SHANK2: variants seen among roughly 807,000 people sequenced by gnomAD.
SHANK2 encodes the protein SH3 and multiple ankyrin repeat domains 2, also known as SH3 and multiple ankyrin repeat domains protein 2.
Under a neutral mutation model 133.7 loss-of-function variants are expected in SHANK2, and 43 were observed. The observed-to-expected ratio is 0.32, with a 90% confidence interval of 0.25 to 0.41. The LOEUF (loss-of-function observed/expected upper bound fraction) is 0.41, where lower values mean the gene tolerates loss of function less well. Ranked by LOEUF, SHANK2 falls within the 10% of genes least tolerant of loss-of-function variation. SHANK2 has a pLI of 1.00. For synonymous variants in SHANK2, 1,017 were observed against 952.8 expected (o/e 1.07, Z -1.24); for missense variants, 1,994 against 2,235.8 (o/e 0.89, Z 2.18).
At chr11:71,114,144 T>G (rs1951937273) in intron 4 of SHANK2, among the ~76,000 whole-genome samples, 2 of 152,152 alleles carry the variant, frequency 1.3e-5, no homozygotes, top group Non-Finnish European at 2.9e-5. Context: ...CAGAGTTAAC[T>G]CAGGGCTGGG....
chr11:71,102,430 C>G (rs1166428499), intron 6 of SHANK2, among the ~76,000 whole-genome samples: 1 of 152,172 alleles, frequency 6.6e-6, no homozygotes, highest in Admixed American at 6.5e-5. Flanking sequence ...GCTCCGGCCC[C>G]ATGTCCAGCC....
rs117406481 is a variant in SHANK2, at chr11:70,525,617, C to T, written c.2062-22686G>A. 5.2e-3 allele frequency among the ~76,000 whole-genome samples: 785 copies of T among 152,190 alleles called. 5 individuals are homozygous for T. Among genetic ancestry groups the T allele is most frequent in the Non-Finnish European group, 9.1e-3 (622 of 68,002 alleles). ...AGGGTTGGCAGCATCAGAACAGGAG[C>T]GAACAGGGTCCTGGTACTGTGCAGC... On this transcript the variant is annotated intron_variant, in intron 17 of 25. Coordinates refer to ENST00000601538, the MANE Select transcript of SHANK2 (RefSeq NM_012309.5).
At chr11:70,495,328 A>C (rs2058953671) in intron 21 of SHANK2, among the ~76,000 whole-genome samples, 1 of 152,032 alleles carries the variant, frequency 6.6e-6, no homozygotes, top group South Asian at 2.1e-4. Context: ...GCTGGGGTCG[A>C]ATTGGTTTCT....
chr11:71,087,222 G>A (rs1042968421), intron 8 of SHANK2, among the ~76,000 whole-genome samples: 105 of 152,334 alleles, frequency 6.9e-4, no homozygotes, highest in African/African-American at 2.5e-3. Context: ...GAGCTGCAGT[G>A]AGTGACTGAT....
chr11:70,518,156 C>T (rs537461127), intron 17 of SHANK2, among the ~76,000 whole-genome samples: 73 of 152,342 alleles, frequency 4.8e-4, no homozygotes, highest in African/African-American at 1.6e-3. Flanking sequence ...CTGCTGGCTC[C>T]GAGAGCACCC....
In SHANK2 at chr11:70,487,647, G is replaced by A. The variant is rs1555154639; in HGVS notation, c.2646C>T (p.Asp882=). The change falls in exon 25 of 26, where the codon GAC becomes GAT. Residue 882 remains aspartate (D), a synonymous_variant. Coordinates refer to ENST00000601538, the MANE Select transcript of SHANK2 (RefSeq NM_012309.5). This position sits in a 1 kb window ranked among gnomAD's most constrained non-coding sequence, Gnocchi z 5.8. Reference sequence around the variant, plus strand: ...GTGGAGGGGGGATGTCCTCAGAGGTGTCCGGCATGGACAGGCTTCTGGTGA... The same window carrying A: ...GTGGAGGGGGGATGTCCTCAGAGGTATCCGGCATGGACAGGCTTCTGGTGA... ...LKFTRSLSMP[D]TSEDIPPPPQ... is the part of the protein sequence containing the mutation. 2 of 1,599,484 alleles carry A rather than the reference G, an allele frequency of 1.3e-6. No homozygotes were observed. The highest frequency in any genetic ancestry group is 2.7e-5 in the African/African-American group (2 of 74,630).
At chr11:70,605,407 C>T (rs973955101) in intron 17 of SHANK2, among the ~76,000 whole-genome samples, 1 of 152,224 alleles carries the variant, frequency 6.6e-6, no homozygotes, top group East Asian at 1.9e-4. Flanking sequence ...GGGCCCTTGG[C>T]AGGAAGCCCC....
chr11:70,758,315 C>T (rs574213129), intron 14 of SHANK2, among the ~76,000 whole-genome samples: 23 of 152,266 alleles, frequency 1.5e-4, no homozygotes, highest in African/African-American at 4.8e-4. Context: ...GTGTTTGTTA[C>T]GGCTCGAGGT....
chr11:70,717,128 G>GAGAA (rs1555027506), intron 14 of SHANK2, among the ~76,000 whole-genome samples: 1 of 152,206 alleles, frequency 6.6e-6, no homozygotes, highest in African/African-American at 2.4e-5. Context: ...GCTGTCTTTG[G>GAGAA]AGAAAGGCAG....
chr11:71,171,765 C>T (rs992804701), intron 2 of SHANK2, among the ~76,000 whole-genome samples: 21 of 152,182 alleles, frequency 1.4e-4, no homozygotes, highest in East Asian at 3.9e-4. Flanking sequence ...TTAGTCCAGT[C>T]GAAAGGACAC....
At chr11:70,694,903 G>C (rs1282475758) in intron 15 of SHANK2, among the ~76,000 whole-genome samples, 1 of 152,128 alleles carries the variant, frequency 6.6e-6, no homozygotes, top group Non-Finnish European at 1.5e-5. Flanking sequence ...CCCTCTGTCA[G>C]CACTGCCTGT....
At chr11:70,703,817 T>G (rs1555024337) in intron 14 of SHANK2, among the ~76,000 whole-genome samples, 1 of 152,228 alleles carries the variant, frequency 6.6e-6, no homozygotes, top group East Asian at 1.9e-4. Context: ...CCTGCTCACC[T>G]GGCTGGCCAC....
rs1047474548 is a variant in SHANK2 at position 70,470,431 on chromosome 11, G to A, written c.*2438C>T. ...AAGTCACGAGTTTCGACTGGTTATC[G>A]TCTGCCAGCGGTTTCCTTGACTCTC... On this transcript the variant is annotated 3_prime_UTR_variant, in exon 26 of 26. Coordinates refer to ENST00000601538, the MANE Select transcript of SHANK2 (RefSeq NM_012309.5). 2.0e-5 allele frequency: 3 copies of A among 152,404 alleles called. No homozygotes were observed. Among genetic ancestry groups the A allele is most frequent in the Non-Finnish European group, 4.4e-5 (3 of 68,038 alleles). The allele number at this position is 152,404 out of a possible 1,614,324, so 9.4% of individuals were successfully genotyped here.
At chr11:71,125,610 A>T (rs1191219875) in intron 3 of SHANK2, among the ~76,000 whole-genome samples, 1 of 152,266 alleles carries the variant, frequency 6.6e-6, no homozygotes, top group Non-Finnish European at 1.5e-5. Flanking sequence ...GAAAGAAGCC[A>T]TCTCCATAAC....
chr11:70,657,596 T>C (rs2061419982), intron 17 of SHANK2, among the ~76,000 whole-genome samples: 1 of 152,140 alleles, frequency 6.6e-6, no homozygotes, highest in Non-Finnish European at 1.5e-5. Context: ...AGTGTATGAC[T>C]GGTGTGGAGC....
chr11:70,883,608 G>A (rs1415388648), intron 11 of SHANK2, among the ~76,000 whole-genome samples: 3 of 152,200 alleles, frequency 2.0e-5, no homozygotes, highest in Non-Finnish European at 2.9e-5. Flanking sequence ...GACTCCGGGA[G>A]CCCACCTGAG....
chr11:70,528,538 G>T (rs890864633), intron 17 of SHANK2, among the ~76,000 whole-genome samples: 7 of 152,126 alleles, frequency 4.6e-5, no homozygotes, highest in African/African-American at 1.7e-4. Flanking sequence ...CCATTAGCCT[G>T]CCCCGGTCAG....
Position 70,479,875 on chromosome 11 carries a change from A to T in SHANK2, c.4979+5439T>A, listed in dbSNP as rs2058710743. ...GTCATAGCAAGTTTGTTTTGGGTCA[A>T]AGCATATAAGTCAGGCAAGCTGCTG... On this transcript the variant is annotated intron_variant, in intron 25 of 25. Coordinates refer to ENST00000601538, the MANE Select transcript of SHANK2 (RefSeq NM_012309.5). This position sits in a 1 kb window ranked among gnomAD's most constrained non-coding sequence, Gnocchi z 4.4. Among the ~76,000 whole-genome samples the T allele has an allele frequency of 6.6e-6, 1 of 152,182 alleles. No homozygotes were observed. The highest frequency in any genetic ancestry group is 2.4e-5 in the African/African-American group (1 of 41,440).
chr11:71,096,681 G>A (rs182311650), intron 6 of SHANK2, among the ~76,000 whole-genome samples: 22 of 152,316 alleles, frequency 1.4e-4, no homozygotes, highest in Non-Finnish European at 2.6e-4. Flanking sequence ...ATGAGCGTGT[G>A]ACACTCGTTC....
Sources: allele counts gnomAD v4.1 joint callset (sites outside exome capture counted in the v4.1 genomes callset), GRCh38; gene constraint gnomAD v4.1.1; non-coding constraint Gnocchi (gnomAD v3.1); transcripts MANE v1.5; gene names NCBI Gene and HGNC (gene_info 2026-07-23, HGNC 2026-07-21).